Variants in GMDS observed in about 807,000 individuals in gnomAD.
GMDS encodes GDP-mannose 4,6-dehydratase.
A neutral mutation model predicts 49.9 loss-of-function variants in GMDS; 20 were observed. That is an observed-to-expected ratio of 0.40 (90% CI 0.28 to 0.58). The LOEUF (loss-of-function observed/expected upper bound fraction) is 0.58, where lower values mean the gene tolerates loss of function less well. Among genes scored for constraint, GMDS ranks in the 20% least tolerant of loss-of-function variants. The pLI, the probability that GMDS is intolerant of heterozygous loss-of-function variation, is 0.42. For missense variants in GMDS, 362 were observed against 481.4 expected (o/e 0.75, Z 2.32); for synonymous variants, 177 against 178.6 (o/e 0.99, Z 0.07).
At chr6:1,757,672 T>A (rs537030612) in intron 7 of GMDS, among the ~76,000 whole-genome samples, 2 of 152,320 alleles carry the variant, frequency 1.3e-5, no homozygotes, top group Admixed American at 1.3e-4. Context: ...GCCCACTAGG[T>A]TTCTTGGTTG....
At chr6:1,738,256 TTCTC>T (rs1767126815) in intron 8 of GMDS, among the ~76,000 whole-genome samples, 1 of 152,214 alleles carries the variant, frequency 6.6e-6, no homozygotes. Context: ...AAGGCTGCCT[TTCTC>T]AATACAAATG....
chr6:1,788,299 G>A (rs377506922), intron 7 of GMDS, among the ~76,000 whole-genome samples: 15 of 152,316 alleles, frequency 9.8e-5, no homozygotes, highest in South Asian at 8.3e-4. Flanking sequence ...TGTCTTACGC[G>A]TACTGTGTAC....
At chr6:1,990,808 T>C (rs1765891601) in intron 4 of GMDS, among the ~76,000 whole-genome samples, 1 of 150,942 alleles carries the variant, frequency 6.6e-6, no homozygotes, top group Non-Finnish European at 1.5e-5. Context: ...GGTCTCGAAC[T>C]CCTGGGTTCA....
chr6:1,847,063 C>A (rs934456260), intron 7 of GMDS, among the ~76,000 whole-genome samples: 1 of 152,042 alleles, frequency 6.6e-6, no homozygotes, highest in African/African-American at 2.4e-5. Context: ...TCCCCCACCC[C>A]CTTTTTAAAA....
intron 7 of GMDS, among the ~76,000 whole-genome samples, chr6:1,790,365 G>A (rs1769488709): frequency 6.6e-6 from 1 of 152,172 alleles, no homozygotes; most frequent in South Asian, 2.1e-4. Flanking sequence ...GCCCAGTAGG[G>A]CAGACACTAC....
At chr6:2,009,689 T>C (rs1472108913) in intron 4 of GMDS, among the ~76,000 whole-genome samples, 1 of 152,086 alleles carries the variant, frequency 6.6e-6, no homozygotes, top group Non-Finnish European at 1.5e-5. Context: ...ACAAAGGAGA[T>C]GAAAACTGGT....
At chr6:2,149,052 A>G (rs1246079518) in intron 1 of GMDS, among the ~76,000 whole-genome samples, 4 of 152,190 alleles carry the variant, frequency 2.6e-5, no homozygotes, top group Non-Finnish European at 5.9e-5. Flanking sequence ...TGCTTCACCA[A>G]TGAGGAAAGC....
chr6:1,982,358 A>G (rs1765268808), intron 4 of GMDS, among the ~76,000 whole-genome samples: 1 of 152,202 alleles, frequency 6.6e-6, no homozygotes, highest in Non-Finnish European at 1.5e-5. Context: ...ACTCCTATTC[A>G]ACATATATTG....
chr6:1,883,367 A>G (rs1284441814), intron 7 of GMDS, among the ~76,000 whole-genome samples: 1 of 152,170 alleles, frequency 6.6e-6, no homozygotes, highest in Non-Finnish European at 1.5e-5. Flanking sequence ...CTCCAGCCTA[A>G]TGACAAAGCG....
chr6:1,962,315 CTG>C (rs558429926), intron 4 of GMDS, among the ~76,000 whole-genome samples: 10 of 152,224 alleles, frequency 6.6e-5, no homozygotes, highest in Non-Finnish European at 8.8e-5. Context: ...TATTTGCCTA[CTG>C]TGGATGTTTC....
chr6:2,055,779 G>T (rs1214213702), intron 4 of GMDS, among the ~76,000 whole-genome samples: 1 of 152,036 alleles, frequency 6.6e-6, no homozygotes, highest in African/African-American at 2.4e-5. Context: ...TTAGAGTCAA[G>T]TGTGTTTAAA....
intron 6 of GMDS, among the ~76,000 whole-genome samples, chr6:1,933,223 T>A (rs1215129675): frequency 3.9e-5 from 6 of 152,258 alleles, no homozygotes; most frequent in Non-Finnish European, 5.9e-5. Flanking sequence ...TTGTTCCTTT[T>A]TTATGGCCAA....
chr6:1,759,114 G>T lies in GMDS; in HGVS notation c.772-16528C>A, dbSNP rs143020925. Among the ~76,000 whole-genome samples the T allele has an allele frequency of 1.6e-4, 24 of 152,274 alleles. No homozygotes were observed. In the East Asian group the frequency reaches 4.6e-3, roughly 29 times the overall value. On this transcript the variant is annotated intron_variant, in intron 7 of 10. Transcript: ENST00000380815. ...ATTTTTTCATCAGGATGATGACAATGATGATTACGTATCTTGAGGGAGTTA... is the reference window on the plus strand; with the variant it reads ...ATTTTTTCATCAGGATGATGACAATTATGATTACGTATCTTGAGGGAGTTA...
At position 1,652,697 on chromosome 6, in the gene GMDS, A is replaced by ATATAATATATATTAT. The variant is rs1226354713; in HGVS notation, c.988-28158_988-28157insATAATATATATTATA. On this transcript the variant is annotated intron_variant, in intron 9 of 10. Coordinates refer to ENST00000380815, the MANE Select transcript of GMDS (RefSeq NM_001500.4). ...AATATATATTATTTATATATAATAT[A>ATATAATATATATTAT]TTATATATATATATATATATATAGA... Among the ~76,000 whole-genome samples the ATATAATATATATTAT allele has an allele frequency of 1.6e-3, 8 of 4,892 alleles. 2 individuals carry two copies. The highest frequency in any genetic ancestry group is 5.8e-3 in the Admixed American group (1 of 172). 3.2% of individuals were successfully genotyped at this position (4,892 alleles called of 152,430 possible).
At chr6:2,032,320 T>C (rs1769016018) in intron 4 of GMDS, among the ~76,000 whole-genome samples, 1 of 152,130 alleles carries the variant, frequency 6.6e-6, no homozygotes, top group Non-Finnish European at 1.5e-5. Context: ...TAAATCAAAT[T>C]TGTCTTTTAT....
intron 8 of GMDS, among the ~76,000 whole-genome samples, chr6:1,733,439 A>C (rs1766892041): frequency 6.6e-6 from 1 of 152,176 alleles, no homozygotes. Context: ...CTTTTGGCAG[A>C]ACAGGGGGAG....
At chr6:1,679,979 A>T (rs968629059) in intron 9 of GMDS, 1 of 152,242 alleles carries the variant, frequency 6.6e-6, no homozygotes, top group Non-Finnish European at 1.5e-5. Flanking sequence ...TTGACAATGA[A>T]ATATATTGTT....
At chr6:1,709,098 C>G (rs892994248) in intron 9 of GMDS, among the ~76,000 whole-genome samples, 1 of 152,214 alleles carries the variant, frequency 6.6e-6, no homozygotes, top group Non-Finnish European at 1.5e-5. Flanking sequence ...CCTGAATGCA[C>G]AGCAGGTGTC....
intron 2 of GMDS, 48 bp from the exon 3 acceptor site, chr6:2,117,604 A>C: frequency 1.1e-6 from 1 of 915,898 alleles, no homozygotes; most frequent in Non-Finnish European, 1.8e-6. Context: ...AGGACTAATA[A>C]ACAACTTCTT....
Sources: gnomAD v4.1 joint callset for allele counts (sites outside exome capture counted in the v4.1 genomes callset) on GRCh38, gnomAD v4.1.1 for gene constraint, MANE v1.5 for transcripts, NCBI Gene and HGNC (gene_info 2026-07-23, HGNC 2026-07-21) for gene names.